RNF212: variants seen among roughly 807,000 people sequenced by gnomAD.
RNF212 encodes the protein ring finger protein 212.
In RNF212, 33 loss-of-function variants were observed where a neutral mutation model predicts 34.7. The ratio of observed to expected loss-of-function variants is 0.95; its 90% CI spans 0.72 to 1.27. The LOEUF (loss-of-function observed/expected upper bound fraction) is 1.27. RNF212 is among the 50% of genes most tolerant of loss of function. The pLI, the probability that RNF212 is intolerant of heterozygous loss-of-function variation, is 0.00. For missense variants in RNF212, 377 were observed against 362.2 expected (o/e 1.04, Z -0.33); for synonymous variants, 140 against 136.1 (o/e 1.03, Z -0.20).
At chr4:1,100,508 A>G (rs1313419040) in intron 2 of RNF212, 1 of 149,572 alleles carries the variant, frequency 6.7e-6, no homozygotes, top group African/African-American at 2.5e-5. Context: ...CCCAGGTTCA[A>G]ATGATTCTCT....
downstream of RNF212, among the ~76,000 whole-genome samples, chr4:1,069,304 T>C (rs530654746): frequency 3.9e-5 from 6 of 152,250 alleles, no homozygotes; most frequent in East Asian, 5.8e-4. Flanking sequence ...TTCTTTATAG[T>C]AGAATGACAA....
At chr4:1,056,449 T>C in exon 5 of RNF212, 5 of 948,250 alleles carry the variant, frequency 5.3e-6, no homozygotes, top group Non-Finnish European at 6.3e-6. Flanking sequence ...GCAGGAGGCA[T>C]GGAAGTCGCG....
At chr4:1,084,415 G>T (rs1577698806) in intron 5 of RNF212, among the ~76,000 whole-genome samples, 1 of 152,228 alleles carries the variant, frequency 6.6e-6, no homozygotes, top group South Asian at 2.1e-4. Context: ...TAAAAGCCAT[G>T]GTCAGCTTGG....
chr4:1,106,843 G>A (rs1189949388), intron 2 of RNF212, among the ~76,000 whole-genome samples: 3 of 152,148 alleles, frequency 2.0e-5, no homozygotes, highest in Non-Finnish European at 2.9e-5. Context: ...TATATCTTTT[G>A]CCCTTGCTTT....
chr4:1,070,905 A>G (rs538609768), downstream of RNF212, among the ~76,000 whole-genome samples: 73 of 152,098 alleles, frequency 4.8e-4, no homozygotes, highest in Middle Eastern at 0.014. Context: ...TGTTCTTACA[A>G]TTTTTTCTGT....
At chr4:1,108,306 T>C (rs760962679) in intron 2 of RNF212, 37 bp downstream of exon 2, 2 of 1,323,858 alleles carry the variant, frequency 1.5e-6, no homozygotes, top group Non-Finnish European at 2.1e-6. Context: ...GAAATATGAC[T>C]GTGATTAAGA....
At position 1,093,751 on chromosome 4, in the gene RNF212, A is replaced by AG. The variant is rs1021809328; in HGVS notation, c.247-2914dup. 5 of 1,536,232 alleles carry AG rather than the reference A, an allele frequency of 3.3e-6. No homozygotes were observed. The Admixed American group carries it at 9.8e-5, about 30-fold the overall frequency. On this transcript the variant is annotated intron_variant, in intron 3 of 9. Coordinates refer to ENST00000433731, the MANE Select transcript of RNF212 (RefSeq NM_001131034.4). Reference sequence around the variant, plus strand: ...TGAACTCAAGCAACTTCTGGCCCCAAGGGGACTTGGTGTGAATGAGGGTCC... The same window carrying AG: ...TGAACTCAAGCAACTTCTGGCCCCAAGGGGGACTTGGTGTGAATGAGGGTCC...
At chr4:1,113,280 T>C (rs1577866217) in intron 1 of RNF212, 76 bp downstream of exon 1, 1 of 58,290 alleles carries the variant, frequency 1.7e-5, no homozygotes, top group Non-Finnish European at 2.9e-5. Flanking sequence ...CCCACCCAAG[T>C]CCCCCATCCC....
chr4:1,080,509 C>T (rs887012957), intron 7 of RNF212, among the ~76,000 whole-genome samples: 1 of 152,152 alleles, frequency 6.6e-6, no homozygotes, highest in African/African-American at 2.4e-5. Context: ...TGGCTGGCCC[C>T]GCTGACCCCT....
At chr4:1,067,239 G>A (rs1416765746), downstream of RNF212, among the ~76,000 whole-genome samples, 1 of 152,036 alleles carries the variant, frequency 6.6e-6, no homozygotes, top group African/African-American at 2.4e-5. Context: ...ATAGCAAAAT[G>A]GTATGATAAA....
At chr4:1,066,261 C>T (rs115510208) in intron 3 of RNF212, among the ~76,000 whole-genome samples, 3,090 of 152,216 alleles carry the variant, frequency 0.02, 66 homozygotes, top group African/African-American at 0.05. Context: ...TAACGATGAA[C>T]GATGAGTATC....
intron 4 of RNF212, among the ~76,000 whole-genome samples, chr4:1,057,704 C>T (rs1033419793): frequency 1.3e-5 from 2 of 152,204 alleles, no homozygotes; most frequent in Non-Finnish European, 2.9e-5. Flanking sequence ...AGCACGCAGT[C>T]ACCACGTGGT....
At chr4:1,106,054 C>T (rs1019918256) in intron 2 of RNF212, among the ~76,000 whole-genome samples, 8 of 152,202 alleles carry the variant, frequency 5.3e-5, no homozygotes, top group Non-Finnish European at 1.0e-4. Flanking sequence ...GCAGATCCCT[C>T]TGGCTGCAGG....
At chr4:1,083,911 A>C (rs186528408) in intron 5 of RNF212, among the ~76,000 whole-genome samples, 2 of 151,950 alleles carry the variant, frequency 1.3e-5, no homozygotes, top group Admixed American at 1.3e-4. Flanking sequence ...TACACCAACA[A>C]GGAAAAAAAT....
At chr4:1,063,934 A>G (rs1200829954) in intron 3 of RNF212, among the ~76,000 whole-genome samples, 2 of 152,064 alleles carry the variant, frequency 1.3e-5, no homozygotes, top group African/African-American at 2.4e-5. Flanking sequence ...GAGGAATGAC[A>G]TATATACCAA....
downstream of RNF212, among the ~76,000 whole-genome samples, chr4:1,066,572 C>G (rs6821725): frequency 0.8 from 121,235 of 152,266 alleles, 48,747 homozygotes; most frequent in African/African-American, 0.89. Flanking sequence ...CTCAAGCGAT[C>G]CTTTTGCCTT....
intron 5 of RNF212, 196 bp downstream of exon 5, chr4:1,085,700 T>A: frequency 1.7e-6 from 1 of 594,692 alleles, no homozygotes; most frequent in South Asian, 2.1e-5. Context: ...CTTTTTCACT[T>A]TTTCTTTTTT....
intron 1 of RNF212, among the ~76,000 whole-genome samples, chr4:1,111,013 G>A (rs1402192299): frequency 6.6e-6 from 1 of 152,114 alleles, no homozygotes; most frequent in Non-Finnish European, 1.5e-5. Flanking sequence ...GACGCTCTGA[G>A]CCCTGTCTTC....
chr4:1,062,302 T>C (rs1717801316), intron 3 of RNF212, among the ~76,000 whole-genome samples: 1 of 152,180 alleles, frequency 6.6e-6, no homozygotes, highest in Admixed American at 6.5e-5. Context: ...CCGGGATTCA[T>C]CTCAGGAATG....
Sources: allele counts gnomAD v4.1 joint callset (sites outside exome capture counted in the v4.1 genomes callset), GRCh38; gene constraint gnomAD v4.1.1; transcripts MANE v1.5; gene names NCBI Gene and HGNC (gene_info 2026-07-23, HGNC 2026-07-21).